Variants in TMEM209 observed in about 807,000 individuals in gnomAD.
TMEM209 encodes the protein transmembrane protein 209, also known as testicular tissue protein Li 202.
Under a neutral mutation model 76.2 loss-of-function variants are expected in TMEM209, and 65 were observed. The observed-to-expected ratio is 0.85, with a 90% CI of 0.70 to 1.05. TMEM209 has a LOEUF of 1.05. Among genes scored for constraint, TMEM209 ranks in the 50% least tolerant of loss-of-function variants. The probability of loss-of-function intolerance (pLI) is 0.00; values close to 1 mark genes in which losing one functional copy is unlikely to be tolerated. For missense variants in TMEM209, 623 were observed against 685.5 expected, an observed-to-expected ratio of 0.91 and a Z score of 1.02; for synonymous variants, 239 against 237.6, an observed-to-expected ratio of 1.01 and a Z score of -0.06.
intron 14 of TMEM209, among the ~76,000 whole-genome samples, chr7:130,167,939 A>AAAC: frequency 6.6e-6 from 1 of 152,210 alleles, no homozygotes; most frequent in African/African-American, 2.4e-5. Context: ...CCCCGAGTTT[A>AAAC]AAAACACTAG....
At chr7:130,193,628 G>A (rs1420471507) in intron 5 of TMEM209, among the ~76,000 whole-genome samples, 1 of 151,708 alleles carries the variant, frequency 6.6e-6, no homozygotes, top group African/African-American at 2.4e-5. Context: ...AAGCCAATCC[G>A]AAAAGCTACA....
At chr7:130,169,445 C>A (rs1210614462) in intron 14 of TMEM209, among the ~76,000 whole-genome samples, 17 of 152,140 alleles carry the variant, frequency 1.1e-4, no homozygotes, top group Non-Finnish European at 1.2e-4. Flanking sequence ...TCTATCCAAA[C>A]TAGCATTTCA....
intron 6 of TMEM209, among the ~76,000 whole-genome samples, chr7:130,186,325 T>G (rs1239651565): frequency 6.6e-6 from 1 of 152,224 alleles, no homozygotes; most frequent in Admixed American, 6.5e-5. Context: ...CAAACGGGTA[T>G]GTAGCAATAT....
intron 13 of TMEM209, among the ~76,000 whole-genome samples, chr7:130,171,326 T>G (rs897560757): frequency 1.6e-4 from 24 of 152,234 alleles, no homozygotes; most frequent in Non-Finnish European, 3.1e-4. Context: ...AGCTCTAAAA[T>G]CAAACTATTA....
At chr7:130,198,408 G>A (rs1052408840) in intron 5 of TMEM209, among the ~76,000 whole-genome samples, 2 of 151,984 alleles carry the variant, frequency 1.3e-5, no homozygotes, top group East Asian at 3.9e-4. Flanking sequence ...GTCAAGAGTT[G>A]GAGACCAGCC....
In TMEM209 at chr7:130,203,809, A is replaced by G; in HGVS notation, c.178T>C (p.Tyr60His). 1 of 1,605,896 alleles carries G rather than the reference A, an allele frequency of 6.2e-7. No homozygotes were observed. The highest frequency in any genetic ancestry group is 8.5e-7 in the Non-Finnish European group (1 of 1,175,766). The change falls in exon 3 of 15, where the codon TAC becomes CAC. Residue 60 changes from tyrosine to histidine, a missense_variant. Physicochemically the swap from Tyr to His is moderately conservative, Grantham distance 83 (BLOSUM62 2). Transcript: ENST00000397622. ...KLISSYYNVT[Y>H]WPLWYIELAL... ...TTACCAATATACCAGAGGGGCCAGT[A>G]TGTCACATTGTAGTATGAACTAATC...
intron 7 of TMEM209, among the ~76,000 whole-genome samples, chr7:130,184,462 T>C (rs1797526010): frequency 6.6e-6 from 1 of 151,812 alleles, no homozygotes; most frequent in African/African-American, 2.4e-5. Context: ...AAAAGTTCCT[T>C]ACATTGGTAT....
rs181552866 is a variant in TMEM209, at chr7:130,168,875, A to C, written c.1631+1525T>G. Among the ~76,000 whole-genome samples the C allele has an allele frequency of 8.0e-3, 1,223 of 152,220 alleles. 7 individuals are homozygous for C. Among genetic ancestry groups the C allele is most frequent in the Non-Finnish European group, 0.011 (776 of 68,012 alleles). ...TATTTTCATAATTTAAAAATAAAAA[A>C]CCCTGTTAGTTTAGATGCCTCAATA... On this transcript the variant is annotated intron_variant, in intron 14 of 14. Transcript: ENST00000397622.
Position 130,202,633 on chromosome 7 carries a change from T to C in TMEM209, c.230A>G (p.Asn77Ser). The stretch of plus-strand genomic sequence containing the variant: ...ATATCTCCAAAAATCAAATAAGGCA[T>C]TAAGGCTGAAGAGAGATGCAAGGGC... ...ELALASLFSL[N>S]ALFDFWRYFK... The change falls in exon 4 of 15, where the codon AAT becomes AGT. Residue 77 changes from asparagine (N) to serine (S), a missense_variant. By Grantham distance (46) the Asn-to-Ser change is conservative. Transcript: ENST00000397622. The C allele has an allele frequency of 6.2e-7, 1 of 1,613,796 alleles. No individual in the cohort carries two copies. The highest frequency in any genetic ancestry group is 1.1e-5 in the South Asian group (1 of 91,046).
At chr7:130,195,671 A>G (rs1584692095) in intron 5 of TMEM209, among the ~76,000 whole-genome samples, 1 of 151,400 alleles carries the variant, frequency 6.6e-6, no homozygotes, top group Non-Finnish European at 1.5e-5. Context: ...AATTCAAACC[A>G]TTATTTAATT....
At chr7:130,200,445 C>T (rs17164727) in intron 5 of TMEM209, among the ~76,000 whole-genome samples, 5 of 151,892 alleles carry the variant, frequency 3.3e-5, no homozygotes, top group Non-Finnish European at 5.9e-5. Flanking sequence ...CACTCCCATC[C>T]CAAATTTATC....
At position 130,170,398 on chromosome 7, in the gene TMEM209, A is replaced by C. The variant is rs1426318698; in HGVS notation, c.1631+2T>G. On this transcript the variant is annotated splice_donor_variant, in intron 14 of 14. Transcript: ENST00000397622. LOFTEE classifies it high-confidence loss of function. ...TTACGTTTTTAAAGCATAAGTACCT[A>C]CCCAAGCATTCCTGACTCTTTGGTC... is the stretch of plus-strand genomic sequence containing the variant. The C allele has an allele frequency of 6.2e-7, 1 of 1,610,236 alleles. No individual in the cohort carries two copies.
chr7:130,197,006 T>C (rs1798008328), intron 5 of TMEM209, among the ~76,000 whole-genome samples: 1 of 152,152 alleles, frequency 6.6e-6, no homozygotes, highest in Admixed American at 6.5e-5. Context: ...GCAGGAAGAT[T>C]GCTTGAGTCT....
At chr7:130,193,335 C>A (rs537885856) in intron 5 of TMEM209, among the ~76,000 whole-genome samples, 11 of 152,030 alleles carry the variant, frequency 7.2e-5, no homozygotes, top group Non-Finnish European at 1.5e-4. Context: ...CACCTGAGGT[C>A]GGTGACCAGC....
intron 5 of TMEM209, among the ~76,000 whole-genome samples, chr7:130,193,694 TA>T (rs998041627): frequency 1.3e-5 from 2 of 150,692 alleles, no homozygotes; most frequent in East Asian, 1.9e-4. Context: ...TGGCGGCAAT[TA>T]AAAAAAAACA....
At chr7:130,193,829 A>C (rs150603549) in intron 5 of TMEM209, among the ~76,000 whole-genome samples, 1 of 152,328 alleles carries the variant, frequency 6.6e-6, no homozygotes, top group African/African-American at 2.4e-5. Context: ...TACAACACCA[A>C]GAGTGAACCC....
intron 14 of TMEM209, among the ~76,000 whole-genome samples, chr7:130,170,017 C>A (rs905800085): frequency 1.3e-5 from 2 of 152,090 alleles, no homozygotes; most frequent in African/African-American, 4.8e-5. Flanking sequence ...CAGGTACCGA[C>A]TCTGTCTCTC....
Position 130,170,512 on chromosome 7 carries a change from G to A in TMEM209, c.1558-39C>T, listed in dbSNP as rs375998670. 4.1e-4 allele frequency: 627 copies of A among 1,526,812 alleles called. 1 individual carries two copies. Among genetic ancestry groups the A allele is most frequent in the Non-Finnish European group, 5.2e-4 (574 of 1,110,752 alleles). The allele number at this position is 1,526,812 out of a possible 1,614,324, so 94.6% of individuals were successfully genotyped here. Reference sequence around the variant, plus strand: ...AAAAAAGACAAGATTTAAACCAAATGAAAAAGATTCAATCTGGTAGGTAAA... The same window carrying A: ...AAAAAAGACAAGATTTAAACCAAATAAAAAAGATTCAATCTGGTAGGTAAA... On this transcript the variant is annotated intron_variant, in intron 13 of 14. Transcript: ENST00000397622.
chr7:130,201,733 G>T, intron 5 of TMEM209, 117 bp downstream of exon 5: 1 of 1,312,742 alleles, frequency 7.6e-7, no homozygotes, highest in Non-Finnish European at 1.0e-6. Context: ...TTAAATGGGT[G>T]TTCTGGGCAA....
Sources: allele counts gnomAD v4.1 joint callset (sites outside exome capture counted in the v4.1 genomes callset), GRCh38; gene constraint gnomAD v4.1.1; transcripts MANE v1.5; gene names NCBI Gene and HGNC (gene_info 2026-07-23, HGNC 2026-07-21).